GRIN2A: variants seen among roughly 807,000 people sequenced by gnomAD.
GRIN2A encodes glutamate receptor ionotropic, NMDA 2A.
In GRIN2A, 22 loss-of-function variants were observed where a neutral mutation model predicts 113.4. The observed-to-expected ratio is 0.19, with a 90% CI of 0.14 to 0.28. GRIN2A has a LOEUF of 0.28. GRIN2A is among the 10% of genes least tolerant of loss of function. The probability of loss-of-function intolerance (pLI) is 1.00; values close to 1 mark genes in which losing one functional copy is unlikely to be tolerated. For missense variants in GRIN2A, 1,502 were observed against 1,887.0 expected (o/e 0.80, Z 3.78); for synonymous variants, 827 against 738.4 (o/e 1.12, Z -1.94).
At chr16:9,994,621 A>C (rs940564436) in intron 2 of GRIN2A, among the ~76,000 whole-genome samples, 1 of 152,224 alleles carries the variant, frequency 6.6e-6, no homozygotes, top group Admixed American at 6.5e-5. Flanking sequence ...ACAGACAAGA[A>C]GCAAATAGAA....
intron 2 of GRIN2A, among the ~76,000 whole-genome samples, chr16:10,170,169 C>T (rs1326244400): frequency 6.6e-6 from 1 of 152,176 alleles, no homozygotes; most frequent in African/African-American, 2.4e-5. Flanking sequence ...CAAAATGCAT[C>T]TATGAGCCAG....
At chr16:9,878,634 T>C (rs1837603711) in intron 4 of GRIN2A, among the ~76,000 whole-genome samples, 2 of 152,286 alleles carry the variant, frequency 1.3e-5, no homozygotes, top group Admixed American at 6.5e-5. Flanking sequence ...TCATCAATCA[T>C]CTTTATCATT....
At chr16:9,971,313 A>G (rs1434728357) in intron 2 of GRIN2A, among the ~76,000 whole-genome samples, 1 of 152,210 alleles carries the variant, frequency 6.6e-6, no homozygotes, top group African/African-American at 2.4e-5. Context: ...CTCAACCACC[A>G]TGCTTTGTGA....
At chr16:10,026,938 G>A (rs1452380901) in intron 2 of GRIN2A, among the ~76,000 whole-genome samples, 3 of 152,106 alleles carry the variant, frequency 2.0e-5, no homozygotes, top group Non-Finnish European at 2.9e-5. Flanking sequence ...TTCTCAAGTG[G>A]ACCCTCCCGT....
At position 9,761,397 on chromosome 16, in the gene GRIN2A, G is replaced by A. The variant is rs1163741736; in HGVS notation, c.*1752C>T. 1 of 230,912 alleles carries A rather than the reference G, an allele frequency of 4.3e-6. No individual in the cohort carries two copies. The highest frequency in any genetic ancestry group is 8.6e-6 in the Non-Finnish European group (1 of 116,702). 14.3% of individuals were successfully genotyped at this position (230,912 alleles called of 1,614,324 possible). A position where few individuals can be genotyped will look rare whatever the true frequency, so the allele number is the denominator to read the frequency against. Reference sequence around the variant, plus strand: ...CAGGAGGAAACCAGGAAATGGCCAGGCGAGTCTACATTAGCTTAGTGTTTC... The same window carrying A: ...CAGGAGGAAACCAGGAAATGGCCAGACGAGTCTACATTAGCTTAGTGTTTC... On this transcript the variant is annotated 3_prime_UTR_variant, in exon 13 of 13. Coordinates refer to ENST00000330684, the MANE Select transcript of GRIN2A (RefSeq NM_001134407.3).
rs2043133929 is a variant in GRIN2A at position 9,864,804 on chromosome 16, C to G, written c.1123-14843G>C. On this transcript the variant is annotated intron_variant, in intron 4 of 12. Coordinates refer to ENST00000330684, the MANE Select transcript of GRIN2A (RefSeq NM_001134407.3). ...AGGTGAAATGTCTGGAACTTGGTAG[C>G]AGGTCTCTGATGGGCATTTGTTCTT... Among the ~76,000 whole-genome samples the G allele has an allele frequency of 2.0e-5, 3 of 152,104 alleles. No individual in the cohort carries two copies. The South Asian group carries it at 6.2e-4, about 32-fold the overall frequency.
chr16:10,118,186 G>A (rs774390517), intron 2 of GRIN2A, among the ~76,000 whole-genome samples: 4 of 152,160 alleles, frequency 2.6e-5, no homozygotes, highest in South Asian at 2.1e-4. Context: ...ACAGGAAGAC[G>A]TTCTCGAAGA....
chr16:9,961,538 A>C (rs2045442813), intron 2 of GRIN2A, among the ~76,000 whole-genome samples: 1 of 152,244 alleles, frequency 6.6e-6, no homozygotes, highest in Non-Finnish European at 1.5e-5. Context: ...TTGAATTCAG[A>C]ATAATGGTTA....
At chr16:9,859,163 T>A (rs1371988947) in intron 4 of GRIN2A, among the ~76,000 whole-genome samples, 1 of 152,070 alleles carries the variant, frequency 6.6e-6, no homozygotes, top group African/African-American at 2.4e-5. Context: ...TCACTTTCTC[T>A]CTCTCATTCT....
At chr16:9,955,720 C>G (rs186112218) in intron 2 of GRIN2A, among the ~76,000 whole-genome samples, 1 of 152,122 alleles carries the variant, frequency 6.6e-6, no homozygotes, top group Admixed American at 6.5e-5. Context: ...AAGCCTAATT[C>G]CATTTTTGGT....
chr16:10,095,618 G>A (rs2048273075), intron 2 of GRIN2A, among the ~76,000 whole-genome samples: 2 of 152,072 alleles, frequency 1.3e-5, no homozygotes, highest in African/African-American at 4.8e-5. Context: ...TAATAATATA[G>A]GAGCTACATT....
intron 2 of GRIN2A, among the ~76,000 whole-genome samples, chr16:10,173,421 T>C (rs540030969): frequency 3.8e-4 from 58 of 152,304 alleles, no homozygotes; most frequent in Admixed American, 2.8e-3. Context: ...AACCCCCCAA[T>C]TTATGCTAAT....
At chr16:10,118,299 T>G (rs1166530587) in intron 2 of GRIN2A, among the ~76,000 whole-genome samples, 6 of 152,208 alleles carry the variant, frequency 3.9e-5, no homozygotes, top group African/African-American at 1.4e-4. Context: ...GGTTCTCATT[T>G]AGACTCCTGT....
chr16:9,873,166 AT>A (rs2141431404), intron 4 of GRIN2A, among the ~76,000 whole-genome samples: 1 of 152,326 alleles, frequency 6.6e-6, no homozygotes, highest in Admixed American at 6.5e-5. Flanking sequence ...ATGATAGACA[AT>A]GGAGACTCAG....
chr16:9,914,657 G>A (rs1466005700), intron 3 of GRIN2A, among the ~76,000 whole-genome samples: 2 of 152,174 alleles, frequency 1.3e-5, no homozygotes, highest in Admixed American at 1.3e-4. Flanking sequence ...GAACAAAGTG[G>A]GAACGTAAGG....
chr16:10,023,830 G>A (rs2046769682), intron 2 of GRIN2A, among the ~76,000 whole-genome samples: 1 of 152,180 alleles, frequency 6.6e-6, no homozygotes, highest in South Asian at 2.1e-4. Context: ...AGCCCAGGGA[G>A]GTGGACATGG....
chr16:10,091,129 G>A (rs2048176364), intron 2 of GRIN2A, among the ~76,000 whole-genome samples: 1 of 152,190 alleles, frequency 6.6e-6, no homozygotes, highest in East Asian at 1.9e-4. Flanking sequence ...TGTGAAAACA[G>A]TTTGGCAATT....
chr16:10,147,844 A>T (rs1196564561), intron 2 of GRIN2A, among the ~76,000 whole-genome samples: 1 of 152,204 alleles, frequency 6.6e-6, no homozygotes, highest in Non-Finnish European at 1.5e-5. Context: ...AGAGTTGGCT[A>T]TAACCACCCT....
chr16:10,135,069 C>T (rs770507256), intron 2 of GRIN2A, among the ~76,000 whole-genome samples: 1 of 152,146 alleles, frequency 6.6e-6, no homozygotes, highest in Non-Finnish European at 1.5e-5. Context: ...TTTCTTTTTG[C>T]TTAACAGTTC....
Sources: gnomAD v4.1 joint callset for allele counts (sites outside exome capture counted in the v4.1 genomes callset) on GRCh38, gnomAD v4.1.1 for gene constraint, MANE v1.5 for transcripts, NCBI Gene and HGNC (gene_info 2026-07-23, HGNC 2026-07-21) for gene names.